The following ADGRB3 variants were observed in gnomAD, a reference collection of about 807,000 sequenced individuals.
The protein encoded by ADGRB3 is brain-specific angiogenesis inhibitor 3.
Under a neutral mutation model 193.4 loss-of-function variants are expected in ADGRB3, and 37 were observed. That is an observed-to-expected ratio of 0.19 (90% CI 0.15 to 0.25). The LOEUF is 0.25. Ranked by LOEUF, ADGRB3 falls within the 10% of genes least tolerant of loss-of-function variation. The pLI, the probability that ADGRB3 is intolerant of heterozygous loss-of-function variation, is 1.00. For synonymous variants in ADGRB3, 690 were observed against 644.2 expected (o/e 1.07, Z -1.08); for missense variants, 1,637 against 1,852.9 (o/e 0.88, Z 2.14).
intron 25 of ADGRB3, 148 bp from the exon 26 acceptor site, chr6:69,339,185 A>T: frequency 3.5e-6 from 4 of 1,151,084 alleles, no homozygotes; most frequent in Non-Finnish European, 3.7e-6. Flanking sequence ...ATAAAAAAAA[A>T]AATAAGACTC....
chr6:69,169,551 A>G (rs994506488), intron 17 of ADGRB3, among the ~76,000 whole-genome samples: 1 of 150,058 alleles, frequency 6.7e-6, no homozygotes, highest in African/African-American at 2.4e-5. Flanking sequence ...TATAAGCACG[A>G]ATTGTGATTA....
In ADGRB3 at chr6:69,305,918, T is replaced by G. The variant is rs1015270763; in HGVS notation, c.2815-18954T>G. ...AATGTTCCAAAAACCAAAACTTGAATTTACCATGCATAGAATACTAGGTTG... is the reference window on the plus strand; with the variant it reads ...AATGTTCCAAAAACCAAAACTTGAAGTTACCATGCATAGAATACTAGGTTG... On this transcript the variant is annotated intron_variant, in intron 20 of 31. Coordinates refer to ENST00000370598, the MANE Select transcript of ADGRB3 (RefSeq NM_001704.3). Among the ~76,000 whole-genome samples the G allele has an allele frequency of 1.8e-4, 28 of 151,526 alleles. 1 individual carries two copies. Among genetic ancestry groups the G allele is most frequent in the Admixed American group, 1.8e-3 (28 of 15,188 alleles).
chr6:69,039,154 C>T (rs62416773), intron 13 of ADGRB3, among the ~76,000 whole-genome samples: 2 of 150,928 alleles, frequency 1.3e-5, no homozygotes, highest in African/African-American at 4.9e-5. Flanking sequence ...AATAATGGCT[C>T]CAAAGAGTAG....
intron 21 of ADGRB3, among the ~76,000 whole-genome samples, chr6:69,327,215 G>C (rs989218008): frequency 6.6e-6 from 1 of 152,128 alleles, no homozygotes; most frequent in Non-Finnish European, 1.5e-5. Flanking sequence ...TATTGAACTT[G>C]AATGAGGTAA....
chr6:69,324,803 C>T, intron 20 of ADGRB3, 69 bp from the exon 21 acceptor site: 3 of 1,501,034 alleles, frequency 2.0e-6, no homozygotes, highest in African/African-American at 1.4e-5. Context: ...ATTAACAATC[C>T]CCTGAAGAAC....
chr6:68,867,342 G>A (rs1400930037), intron 3 of ADGRB3, among the ~76,000 whole-genome samples: 1 of 152,208 alleles, frequency 6.6e-6, no homozygotes, highest in Non-Finnish European at 1.5e-5. Flanking sequence ...TGGCTTCCAT[G>A]TGGTGTTGAG....
chr6:68,699,257 A>G (rs1765203757), intron 3 of ADGRB3, among the ~76,000 whole-genome samples: 1 of 152,090 alleles, frequency 6.6e-6, no homozygotes, highest in Non-Finnish European at 1.5e-5. Context: ...GGGTGCATCT[A>G]TTTGTGTAAA....
chr6:69,252,017 C>T (rs770450921), intron 20 of ADGRB3, among the ~76,000 whole-genome samples: 1 of 152,082 alleles, frequency 6.6e-6, no homozygotes, highest in Non-Finnish European at 1.5e-5. Flanking sequence ...AGATATGGAA[C>T]GTTGTCATCA....
At chr6:68,865,976 A>G (rs1411656520) in intron 3 of ADGRB3, among the ~76,000 whole-genome samples, 2 of 152,132 alleles carry the variant, frequency 1.3e-5, no homozygotes, top group Non-Finnish European at 2.9e-5. Context: ...TTTCACCCAT[A>G]TATTTGCTAG....
At chr6:68,652,738 A>T (rs1321680401) in intron 3 of ADGRB3, among the ~76,000 whole-genome samples, 1 of 152,068 alleles carries the variant, frequency 6.6e-6, no homozygotes, top group African/African-American at 2.4e-5. Flanking sequence ...TGTTTTGATA[A>T]CCCTCAAATA....
At chr6:69,292,455 A>C (rs186111444) in intron 20 of ADGRB3, among the ~76,000 whole-genome samples, 1 of 152,318 alleles carries the variant, frequency 6.6e-6, no homozygotes, top group African/African-American at 2.4e-5. Context: ...TAGATAAAGT[A>C]GCACTCAGCA....
Position 69,157,198 on chromosome 6 carries a change from T to C in ADGRB3, c.2481-76092T>C, listed in dbSNP as rs115565489. On this transcript the variant is annotated intron_variant, in intron 17 of 31. Coordinates refer to ENST00000370598, the MANE Select transcript of ADGRB3 (RefSeq NM_001704.3). ...AGGATCAATGTGAGAATTACATGAGTTAAAATTCACAAAGGACTAAGAGCA... is the reference window on the plus strand; with the variant it reads ...AGGATCAATGTGAGAATTACATGAGCTAAAATTCACAAAGGACTAAGAGCA... Among the ~76,000 whole-genome samples the C allele has an allele frequency of 7.9e-4, 121 of 152,238 alleles. 1 individual carries two copies. Among genetic ancestry groups the C allele is most frequent in the Middle Eastern group, 6.8e-3 (2 of 294 alleles).
intron 28 of ADGRB3, 150 bp downstream of exon 28, chr6:69,356,010 A>C: frequency 6.4e-6 from 4 of 620,968 alleles, no homozygotes; most frequent in Non-Finnish European, 1.1e-5. Flanking sequence ...ATGCCAAAGG[A>C]GCTGAGAAAC....
intron 29 of ADGRB3, among the ~76,000 whole-genome samples, chr6:69,371,184 A>G (rs919471651): frequency 6.6e-6 from 1 of 151,926 alleles, no homozygotes; most frequent in African/African-American, 2.4e-5. Flanking sequence ...AAAACATGAA[A>G]CCTTTCTTTC....
chr6:69,146,035 C>A (rs887515823), intron 17 of ADGRB3, among the ~76,000 whole-genome samples: 3 of 152,176 alleles, frequency 2.0e-5, no homozygotes, highest in Non-Finnish European at 4.4e-5. Context: ...AGGCCTTCCC[C>A]AGCTTGAAAG....
At chr6:69,157,580 A>T (rs529433640) in intron 17 of ADGRB3, among the ~76,000 whole-genome samples, 273 of 152,166 alleles carry the variant, frequency 1.8e-3, no homozygotes, top group African/African-American at 6.1e-3. Flanking sequence ...GTGATTCTAG[A>T]AAAGGCCTAT....
intron 3 of ADGRB3, among the ~76,000 whole-genome samples, chr6:68,819,763 A>G (rs1296749188): frequency 6.6e-6 from 1 of 152,078 alleles, no homozygotes; most frequent in Non-Finnish European, 1.5e-5. Flanking sequence ...TATACAGATA[A>G]ACAAAATAGA....
intron 3 of ADGRB3, among the ~76,000 whole-genome samples, chr6:68,920,951 TA>T (rs1409229303): frequency 6.6e-6 from 1 of 152,128 alleles, no homozygotes; most frequent in Non-Finnish European, 1.5e-5. Context: ...GCTGATTAAT[TA>T]AAGAGATTGA....
chr6:68,923,440 A>G (rs1409897408), intron 3 of ADGRB3, among the ~76,000 whole-genome samples: 6 of 152,098 alleles, frequency 3.9e-5, no homozygotes, highest in Non-Finnish European at 4.4e-5. Flanking sequence ...AAGACATTTC[A>G]TACTCCACTT....
Sources: gnomAD v4.1 joint callset for allele counts (sites outside exome capture counted in the v4.1 genomes callset) on GRCh38, gnomAD v4.1.1 for gene constraint, MANE v1.5 for transcripts, NCBI Gene and HGNC (gene_info 2026-07-23, HGNC 2026-07-21) for gene names.